Variants in CABIN1 observed in about 807,000 individuals in gnomAD.
CABIN1 encodes calcineurin binding protein 1.
In CABIN1, 133 loss-of-function variants were observed where a neutral mutation model predicts 227.7. The ratio of observed to expected loss-of-function variants is 0.58; its 90% confidence interval spans 0.51 to 0.67. CABIN1 has a LOEUF of 0.67. Among genes scored for constraint, CABIN1 ranks in the 30% least tolerant of loss-of-function variants. The pLI is 0.00. For synonymous variants in CABIN1, 1,086 were observed against 1,155.1 expected (o/e 0.94, Z 1.21); for missense variants, 2,408 against 2,852.5 (o/e 0.84, Z 3.55).
At chr22:24,049,689 C>T (rs1340077078) in intron 7 of CABIN1, among the ~76,000 whole-genome samples, 1 of 152,210 alleles carries the variant, frequency 6.6e-6, no homozygotes, top group Non-Finnish European at 1.5e-5. Flanking sequence ...CATAGTTCTC[C>T]CACGTCACCT....
Position 24,067,065 on chromosome 22 carries a change from A to G in CABIN1, c.2116A>G (p.Lys706Glu). ...GCGGCTGTATGAAGCAGGCGACTAC[A>G]AGGCTGTTGTGCATCTGCTCCGCCC... ...IQRLYEAGDY[K>E]AVVHLLRPTL... Residue 706 changes from lysine to glutamate, a missense_variant, in exon 16 of 37, where the codon AAG (lysine) becomes GAG (glutamate). Physicochemically the swap from Lys to Glu is moderately conservative, Grantham distance 56. Coordinates refer to ENST00000263119, the MANE Select transcript of CABIN1 (RefSeq NM_012295.4). 6.2e-7 allele frequency: 1 copy of G among 1,614,200 alleles called. No individual in the cohort carries two copies. The highest frequency in any genetic ancestry group is 2.2e-5 in the East Asian group (1 of 44,874).
intron 29 of CABIN1, among the ~76,000 whole-genome samples, chr22:24,158,195 C>G (rs1195122941): frequency 6.6e-6 from 1 of 152,180 alleles, no homozygotes; most frequent in East Asian, 1.9e-4. Flanking sequence ...ACCCATCTTA[C>G]CACGGGCATA....
At chr22:24,103,092 C>T (rs192340322) in intron 26 of CABIN1, 2 of 152,332 alleles carry the variant, frequency 1.3e-5, no homozygotes, top group African/African-American at 4.8e-5. Context: ...AGCGCAGACC[C>T]GCATGCTCAG....
Position 24,166,990 on chromosome 22 carries a change from G to T in CABIN1, c.5359G>T (p.Asp1787Tyr). 1 of 1,573,622 alleles carries T rather than the reference G, an allele frequency of 6.4e-7. No individual in the cohort carries two copies. The highest frequency in any genetic ancestry group is 1.2e-5 in the South Asian group (1 of 86,400). The change falls in exon 32 of 37, where the codon GAC becomes TAC. Residue 1787 changes from aspartate to tyrosine, a missense_variant. Coordinates refer to ENST00000263119, the MANE Select transcript of CABIN1 (RefSeq NM_012295.4). ...PPLLPGRPAR[D>Y]RGPESRPTEL... ...CCTGCTGCCAGGTCGCCCCGCAAGG[G>T]ACCGGGGCCCCGAGAGCCGGCCCAC...
chr22:24,076,321 G>A (rs2283807), intron 19 of CABIN1, 37 bp downstream of exon 19: 319,155 of 1,543,598 alleles, frequency 0.21, 38,578 homozygotes, highest in African/African-American at 0.5. Flanking sequence ...CTGCCAGTGC[G>A]GGGCAGGGCT....
At chr22:24,049,063 A>G (rs372347962) in intron 6 of CABIN1, 28 bp from the exon 7 acceptor site, 72 of 1,612,996 alleles carry the variant, frequency 4.5e-5, no homozygotes, top group Non-Finnish European at 5.8e-5. Context: ...CGGTCTCAGA[A>G]GTCATAAACT....
chr22:24,169,245 C>A (rs536509311), intron 33 of CABIN1, among the ~76,000 whole-genome samples: 2 of 152,086 alleles, frequency 1.3e-5, no homozygotes, highest in Admixed American at 1.3e-4. Flanking sequence ...AAAACATAAG[C>A]CTCCAAGCCA....
intron 8 of CABIN1, among the ~76,000 whole-genome samples, chr22:24,053,078 CTTTTTTTT>C (rs71184943): frequency 7.6e-6 from 1 of 131,280 alleles, no homozygotes; most frequent in African/African-American, 3.0e-5. Flanking sequence ...TTTCTTTTTT[CTTTTTTTT>C]TTTTTTTTTG....
Position 24,067,119 on chromosome 22 carries a change from G to A in CABIN1, c.2170G>A (p.Ala724Thr), listed in dbSNP as rs1242654488. ...TTTGTGCACCAGTGGGTTTGACCGG[G>A]CCAAACACCTGGAGTTTATGACTTC... is the stretch of plus-strand genomic sequence containing the variant. ...PTLCTSGFDR[A>T]KHLEFMTSIP... The change falls in exon 16 of 37, where the codon GCC becomes ACC. Residue 724 changes from alanine (A) to threonine (T), a missense_variant. Transcript: ENST00000263119. The A allele has an allele frequency of 6.2e-7, 1 of 1,614,222 alleles. No individual in the cohort carries two copies. The highest frequency in any genetic ancestry group is 8.5e-7 in the Non-Finnish European group (1 of 1,180,040).
In CABIN1 at chr22:24,152,110, C is replaced by T. The variant is rs778092515; in HGVS notation, c.4747-12290C>T. Among the ~76,000 whole-genome samples, 13 of 152,342 alleles carry T rather than the reference C, an allele frequency of 8.5e-5. No homozygotes were observed. The East Asian group carries it at 1.9e-3, about 23-fold the overall frequency. On this transcript the variant is annotated intron_variant, in intron 29 of 36. Transcript: ENST00000263119. Reference sequence around the variant, plus strand: ...CATGTGCCGTCCCCGTGGATGTGCACGTGATCCAGGCACAGCTGTCCACTG... The same window carrying T: ...CATGTGCCGTCCCCGTGGATGTGCATGTGATCCAGGCACAGCTGTCCACTG...
intron 35 of CABIN1, among the ~76,000 whole-genome samples, chr22:24,176,799 T>C (rs1048163442): frequency 2.0e-5 from 3 of 152,228 alleles, no homozygotes; most frequent in Non-Finnish European, 1.5e-5. Context: ...GCCAGACCCC[T>C]TGGGGACTCC....
At position 24,059,999 on chromosome 22, in the gene CABIN1, T is replaced by C. The variant is rs751279942; in HGVS notation, c.1475T>C (p.Leu492Pro). The change falls in exon 12 of 37, where the codon CTG becomes CCG. Residue 492 changes from leucine (L) to proline (P), a missense_variant. Transcript: ENST00000263119. ...GGILELMMRY[L>P]KAMGHKFLVR... ...ATCCTGGAGCTGATGATGCGCTACC[T>C]GAAAGCCATGGGCCACAAGTTCTTG... 1 of 1,614,168 alleles carries C rather than the reference T, an allele frequency of 6.2e-7. No homozygotes were observed. The highest frequency in any genetic ancestry group is 1.1e-5 in the South Asian group (1 of 91,072).
intron 8 of CABIN1, among the ~76,000 whole-genome samples, chr22:24,053,537 C>T (rs1241281230): frequency 6.6e-6 from 1 of 152,014 alleles, no homozygotes; most frequent in Non-Finnish European, 1.5e-5. Context: ...GCCACCACCC[C>T]TGGCTAATTT....
chr22:24,166,786 C>T lies in CABIN1; in HGVS notation c.5155C>T (p.Pro1719Ser), dbSNP rs768897724. ...PPLADGSGPG[P>S]EPGGKVGLLN... ...TCTGGCTGATGGCTCAGGGCCAGGG[C>T]CCGAGCCAGGAGGCAAAGTGGGCCT... The change falls in exon 32 of 37, where the codon CCC becomes TCC. Residue 1719 changes from proline (P) to serine (S), a missense_variant. Coordinates refer to ENST00000263119, the MANE Select transcript of CABIN1 (RefSeq NM_012295.4). 1.2e-6 allele frequency: 2 copies of T among 1,612,948 alleles called. No individual in the cohort carries two copies. Among genetic ancestry groups the T allele is most frequent in the East Asian group, 4.5e-5 (2 of 44,874 alleles).
At chr22:24,113,291 C>CT (rs1212098475) in intron 26 of CABIN1, among the ~76,000 whole-genome samples, 1 of 152,246 alleles carries the variant, frequency 6.6e-6, no homozygotes, top group Non-Finnish European at 1.5e-5. Context: ...TCAGGGCTTT[C>CT]TTTTTCCCTG....
At chr22:24,050,074 T>C (rs1343156842) in intron 7 of CABIN1, among the ~76,000 whole-genome samples, 2 of 152,204 alleles carry the variant, frequency 1.3e-5, no homozygotes, top group African/African-American at 2.4e-5. Flanking sequence ...CAACTCCTTT[T>C]GCCCTCTGGT....
At chr22:24,045,361 C>T (rs2037783298) in intron 6 of CABIN1, among the ~76,000 whole-genome samples, 1 of 152,160 alleles carries the variant, frequency 6.6e-6, no homozygotes, top group Admixed American at 6.5e-5. Flanking sequence ...TGCCTGTAGT[C>T]CCAACACTCT....
chr22:24,045,192 G>C (rs1050462649), intron 6 of CABIN1, among the ~76,000 whole-genome samples: 3 of 152,192 alleles, frequency 2.0e-5, no homozygotes, highest in Non-Finnish European at 4.4e-5. Context: ...CCAAAGTGCT[G>C]GGCTTATAGG....
chr22:24,062,081 G>T, intron 13 of CABIN1, 56 bp downstream of exon 13: 1 of 1,409,688 alleles, frequency 7.1e-7, no homozygotes, highest in East Asian at 2.3e-5. Context: ...CCAGCAGCTG[G>T]GAGAAAGCTG....
Sources: allele counts gnomAD v4.1 joint callset (sites outside exome capture counted in the v4.1 genomes callset), GRCh38; gene constraint gnomAD v4.1.1; transcripts MANE v1.5; gene names NCBI Gene and HGNC (gene_info 2026-07-23, HGNC 2026-07-21).